Variants in ANKRD30B observed in about 807,000 individuals in gnomAD.
ANKRD30B encodes the protein ankyrin repeat domain-containing protein 30B.
ANKRD30B carries 144 observed loss-of-function variants against 202.2 expected under a neutral mutation model. The ratio of observed to expected loss-of-function variants is 0.71; its 90% CI spans 0.62 to 0.82. The LOEUF (loss-of-function observed/expected upper bound fraction) is 0.82, where lower values mean the gene tolerates loss of function less well. ANKRD30B is among the 40% of genes least tolerant of loss of function. The pLI is 0.00. For missense variants in ANKRD30B, 1,487 were observed against 1,669.1 expected, an observed-to-expected ratio of 0.89 and a Z score of 1.90; for synonymous variants, 508 against 561.3, an observed-to-expected ratio of 0.91 and a Z score of 1.34.
At chr18:14,901,619 T>A in the ANKRD30B span, among the ~76,000 whole-genome samples, 6 of 152,212 alleles carry the variant, frequency 3.9e-5, no homozygotes, top group African/African-American at 1.4e-4. Context: ...TAAAATATAT[T>A]GTTGTGAGCA....
chr18:14,749,670 CAAAAAAAAAAAAAAAAA>C (rs55960708), intron 1 of ANKRD30B, among the ~76,000 whole-genome samples: 1 of 61,196 alleles, frequency 1.6e-5, no homozygotes, highest in Non-Finnish European at 2.8e-5. Flanking sequence ...GACTCTGTCT[CAAAAAAAAAAAAAAAAA>C]AAAAAAAAAA....
rs190675199 is a variant in ANKRD30B at position 14,808,192 on chromosome 18, T to G, written c.2285-359T>G. ...TCTACCATTACCTAGGACTTATTTT[T>G]TTTTTGGCGGGGGGTCATGACTTGG... On this transcript the variant is annotated intron_variant, in intron 24 of 43. Coordinates refer to ENST00000690538, the MANE Select transcript of ANKRD30B (RefSeq NM_001367607.2). Among the ~76,000 whole-genome samples, 347 of 150,842 alleles carry G rather than the reference T, an allele frequency of 2.3e-3. 15 individuals carry two copies. The highest frequency in any genetic ancestry group is 8.2e-3 in the African/African-American group (333 of 40,846).
At chr18:14,756,704 G>T (rs1325963817) in intron 4 of ANKRD30B, among the ~76,000 whole-genome samples, 2 of 152,160 alleles carry the variant, frequency 1.3e-5, no homozygotes, top group African/African-American at 4.8e-5. Context: ...GACCAGCCTA[G>T]CCAATATGGT....
At chr18:14,781,285 A>ATTT (rs1967721536) in intron 11 of ANKRD30B, among the ~76,000 whole-genome samples, 1 of 101,706 alleles carries the variant, frequency 9.8e-6, no homozygotes, top group Non-Finnish European at 2.0e-5. Context: ...TGTTCTGAGT[A>ATTT]TTCTTTTTTT....
chr18:14,882,682 T>A, the ANKRD30B span, among the ~76,000 whole-genome samples: 1 of 152,088 alleles, frequency 6.6e-6, no homozygotes, highest in Non-Finnish European at 1.5e-5. Context: ...CTTGATGATC[T>A]GTCTAGTGCT....
chr18:14,940,906 C>T, the ANKRD30B span, among the ~76,000 whole-genome samples: 4 of 152,144 alleles, frequency 2.6e-5, no homozygotes, highest in Non-Finnish European at 4.4e-5. Context: ...CAGCCCAGCC[C>T]TAGTGAGAGG....
the ANKRD30B span, chr18:14,905,457 T>C: frequency 6.6e-6 from 1 of 152,232 alleles, no homozygotes; most frequent in African/African-American, 2.4e-5. Context: ...CAGCACTTGG[T>C]TGAAAGAATT....
In ANKRD30B at chr18:14,808,740, A is replaced by G. The variant is rs186829460; in HGVS notation, c.2382A>G (p.Lys794=). The G allele has an allele frequency of 4.1e-6, 6 of 1,469,078 alleles. No homozygotes were observed. The East Asian group carries it at 1.5e-4, about 36-fold the overall frequency. 91.0% of individuals were successfully genotyped at this position (1,469,078 alleles called of 1,614,324 possible). A position where few individuals can be genotyped will look rare whatever the true frequency, so the allele number is the denominator to read the frequency against. Residue 794 remains lysine, a synonymous_variant, in exon 26 of 44, where the codon AAA becomes AAG. Transcript: ENST00000690538. The part of the protein sequence containing the change: ...ALELKDRETL[K]AESPDKDGLL... ...AATTAAAGGACAGAGAAACACTCAAAGCAGGTAAATTTTGTAATTTAAATT... is the reference window on the plus strand; with the variant it reads ...AATTAAAGGACAGAGAAACACTCAAGGCAGGTAAATTTTGTAATTTAAATT...
At chr18:14,906,593 A>G in the ANKRD30B span, among the ~76,000 whole-genome samples, 4 of 152,178 alleles carry the variant, frequency 2.6e-5, no homozygotes, top group East Asian at 5.8e-4. Context: ...AAAGTCTTTC[A>G]TATTATACAA....
chr18:14,751,193 T>C (rs1389603803), intron 1 of ANKRD30B, among the ~76,000 whole-genome samples: 4 of 151,934 alleles, frequency 2.6e-5, no homozygotes, highest in Non-Finnish European at 4.4e-5. Flanking sequence ...TATATGTCAA[T>C]AACTATAGAT....
At chr18:14,784,734 A>T (rs774649035) in intron 14 of ANKRD30B, among the ~76,000 whole-genome samples, 199 bp downstream of exon 14, 28 of 152,156 alleles carry the variant, frequency 1.8e-4, no homozygotes, top group Non-Finnish European at 1.5e-5. Flanking sequence ...AAAAAAATGT[A>T]GCCTTAATCT....
Position 14,788,440 on chromosome 18 carries a change from A to T in ANKRD30B, c.1734+1340A>T, listed in dbSNP as rs377018698. On this transcript the variant is annotated intron_variant, in intron 15 of 43. Coordinates refer to ENST00000690538, the MANE Select transcript of ANKRD30B (RefSeq NM_001367607.2). Reference sequence around the variant, plus strand: ...TTAAGTTTTAGGGTACATGTGCACAATGTGCAGTTTAGTTACATATGTATA... The same window carrying T: ...TTAAGTTTTAGGGTACATGTGCACATTGTGCAGTTTAGTTACATATGTATA... 1.5e-4 allele frequency among the ~76,000 whole-genome samples: 23 copies of T among 152,134 alleles called. No homozygotes were observed. In the East Asian group the frequency reaches 3.3e-3, roughly 22 times the overall value.
At chr18:14,878,453 T>C in the ANKRD30B span, among the ~76,000 whole-genome samples, 2 of 151,942 alleles carry the variant, frequency 1.3e-5, no homozygotes, top group Admixed American at 6.6e-5. Flanking sequence ...TTGCCTTCTT[T>C]CTCGATTCTA....
chr18:14,923,147 A>G, the ANKRD30B span, among the ~76,000 whole-genome samples: 1 of 152,122 alleles, frequency 6.6e-6, no homozygotes, highest in East Asian at 1.9e-4. Flanking sequence ...TGAGACTGAA[A>G]TGTGCTGGTT....
the ANKRD30B span, among the ~76,000 whole-genome samples, chr18:14,891,439 A>C: frequency 6.9e-6 from 1 of 144,874 alleles, no homozygotes; most frequent in African/African-American, 2.6e-5. Flanking sequence ...ACAGCTACTC[A>C]TCCAGAAATT....
intron 33 of ANKRD30B, among the ~76,000 whole-genome samples, chr18:14,829,655 A>T (rs1378736844): frequency 6.6e-6 from 1 of 152,220 alleles, no homozygotes; most frequent in Non-Finnish European, 1.5e-5. Context: ...CTAGAAAGGC[A>T]TACTAAAATA....
At chr18:14,874,565 T>C in the ANKRD30B span, among the ~76,000 whole-genome samples, 1 of 152,174 alleles carries the variant, frequency 6.6e-6, no homozygotes, top group African/African-American at 2.4e-5. Flanking sequence ...ATTTCGATTT[T>C]TCAGTTTTCT....
rs557322473 is a variant in ANKRD30B at position 14,763,579 on chromosome 18, G to A, written c.821-107G>A. The stretch of plus-strand genomic sequence containing the variant: ...AAGAGAAGAGAGAAAAGAAAAGTTT[G>A]GTAATATTTAAGGAAAGCATACAGA... On this transcript the variant is annotated intron_variant, in intron 6 of 43. Transcript: ENST00000690538. The A allele has an allele frequency of 4.1e-6, 6 of 1,452,194 alleles. No individual in the cohort carries two copies. In the East Asian group the frequency reaches 1.2e-4, roughly 30 times the overall value. 90.0% of individuals were successfully genotyped at this position (1,452,194 alleles called of 1,614,324 possible). A position where few individuals can be genotyped will look rare whatever the true frequency, so the allele number is the denominator to read the frequency against.
At chr18:14,831,286 G>A in intron 33 of ANKRD30B, 97 bp from the exon 34 acceptor site, 1 of 612,542 alleles carries the variant, frequency 1.6e-6, no homozygotes, top group Non-Finnish European at 2.6e-6. Context: ...TTTGTTTTTT[G>A]TTCTCATTTT....
Sources: allele counts gnomAD v4.1 joint callset (sites outside exome capture counted in the v4.1 genomes callset), GRCh38; gene constraint gnomAD v4.1.1; transcripts MANE v1.5; gene names NCBI Gene and HGNC (gene_info 2026-07-23, HGNC 2026-07-21).